FBXO15: variants seen among roughly 807,000 people sequenced by gnomAD.
FBXO15 encodes F-box protein 15.
Under a neutral mutation model 49.5 loss-of-function variants are expected in FBXO15, and 30 were observed. That is an observed-to-expected ratio of 0.61 (90% CI 0.45 to 0.82). The LOEUF (loss-of-function observed/expected upper bound fraction) is 0.82, where lower values mean the gene tolerates loss of function less well. Among genes scored for constraint, FBXO15 ranks in the 40% least tolerant of loss-of-function variants. FBXO15 has a pLI of 0.00. For synonymous variants in FBXO15, 250 were observed against 232.7 expected (o/e 1.07, Z -0.68); for missense variants, 591 against 631.5 (o/e 0.94, Z 0.69).
At chr18:74,140,404 C>A in intron 1 of FBXO15, 92 bp from the exon 2 acceptor site, 1 of 1,124,692 alleles carries the variant, frequency 8.9e-7, no homozygotes. Flanking sequence ...GATTCATAAA[C>A]TCCAAAGATT....
chr18:74,146,438 A>G (rs1416006093), intron 1 of FBXO15, among the ~76,000 whole-genome samples: 1 of 152,238 alleles, frequency 6.6e-6, no homozygotes, highest in Non-Finnish European at 1.5e-5. Flanking sequence ...CAATCCAGGA[A>G]GTTCACTCAA....
rs960629181 is a variant in FBXO15 at position 74,074,891 on chromosome 18, C to G, written c.1264-1161G>C. On this transcript the variant is annotated intron_variant, in intron 9 of 9. Coordinates refer to ENST00000419743, the MANE Select transcript of FBXO15 (RefSeq NM_001142958.2). The surrounding 1 kb of genome is among the most constrained non-coding windows in gnomAD (Gnocchi z 4.7). ...CCAGCCCTTCCTTCTCCCGCCTCTT[C>G]CTTTCCACTTTAGATTTCACTGGCC... is the stretch of plus-strand genomic sequence containing the variant. Among the ~76,000 whole-genome samples, 7 of 152,194 alleles carry G rather than the reference C, an allele frequency of 4.6e-5. No individual in the cohort carries two copies. Among genetic ancestry groups the G allele is most frequent in the African/African-American group, 1.7e-4 (7 of 41,446 alleles).
At chr18:74,124,612 T>C (rs1914622531) in intron 6 of FBXO15, 41 bp from the exon 7 acceptor site, 1 of 1,546,578 alleles carries the variant, frequency 6.5e-7, no homozygotes, top group African/African-American at 1.4e-5. Flanking sequence ...TCAACCAAAA[T>C]GCTTACATTT....
chr18:74,073,767 C>G, intron 9 of FBXO15, 37 bp from the exon 10 acceptor site: 1 of 1,564,808 alleles, frequency 6.4e-7, no homozygotes, highest in Non-Finnish European at 8.6e-7. Context: ...GATAAAAAGG[C>G]CAATCAGACC....
chr18:74,125,104 TG>T (rs1914650450), intron 6 of FBXO15, among the ~76,000 whole-genome samples: 1 of 152,186 alleles, frequency 6.6e-6, no homozygotes, highest in African/African-American at 2.4e-5. Context: ...GATTCACAGC[TG>T]ACACTGATGG....
At chr18:74,082,237 A>T (rs1466873966) in intron 8 of FBXO15, 186 bp from the exon 9 acceptor site, 3 of 448,670 alleles carry the variant, frequency 6.7e-6, no homozygotes, top group Non-Finnish European at 3.8e-6. Flanking sequence ...TGTGTCCCAG[A>T]GGCAGAAACA....
intron 4 of FBXO15, among the ~76,000 whole-genome samples, 197 bp from the exon 5 acceptor site, chr18:74,129,811 A>G (rs1232470720): frequency 6.6e-6 from 1 of 152,216 alleles, no homozygotes; most frequent in Non-Finnish European, 1.5e-5. Context: ...ACACCCACTG[A>G]ACATCCATGA....
At chr18:74,123,133 C>A (rs1357125190) in intron 8 of FBXO15, 5 of 423,030 alleles carry the variant, frequency 1.2e-5, no homozygotes, top group Non-Finnish European at 2.1e-5. Flanking sequence ...TAGGGGCTAC[C>A]CCCAGAAGGT....
chr18:74,129,127 C>T (rs1359888070), intron 5 of FBXO15, among the ~76,000 whole-genome samples: 1 of 151,970 alleles, frequency 6.6e-6, no homozygotes, highest in East Asian at 1.9e-4. Flanking sequence ...AATGAAAAAC[C>T]TCAAAGGTTA....
intron 2 of FBXO15, among the ~76,000 whole-genome samples, chr18:74,139,750 T>G (rs901578169): frequency 6.6e-6 from 1 of 152,184 alleles, no homozygotes; most frequent in Non-Finnish European, 1.5e-5. Flanking sequence ...GAGCATCAAT[T>G]AAACATAATA....
In FBXO15 at chr18:74,073,648, G is replaced by A. The variant is rs146975565; in HGVS notation, c.1346C>T (p.Ser449Leu). 1.4e-5 allele frequency: 23 copies of A among 1,614,056 alleles called. No homozygotes were observed. Among genetic ancestry groups the A allele is most frequent in the African/African-American group, 8.0e-5 (6 of 74,924 alleles). ...AGAGCTGTCAGAGGGTGTGGCAGGCGATCTCAGGCACACCGGGGAACTGAA... is the reference window on the plus strand; with the variant it reads ...AGAGCTGTCAGAGGGTGTGGCAGGCAATCTCAGGCACACCGGGGAACTGAA... ...WCFSSPVCLR[S>L]PATPSDSSSF... Residue 449 changes from serine to leucine, a missense_variant, in exon 10 of 10, where the codon TCG (serine) becomes TTG (leucine). Coordinates refer to ENST00000419743, the MANE Select transcript of FBXO15 (RefSeq NM_001142958.2).
chr18:74,147,656 G>A lies in FBXO15; in HGVS notation c.116+14C>T, dbSNP rs772284160. 1.0e-4 allele frequency: 143 copies of A among 1,415,610 alleles called. 5 individuals carry two copies. The South Asian group carries it at 2.1e-3, about 21-fold the overall frequency. The allele number at this position is 1,415,610 out of a possible 1,614,324, so 87.7% of individuals were successfully genotyped here. A position where few individuals can be genotyped will look rare whatever the true frequency, so the allele number is the denominator to read the frequency against. ...TTCCCGCCAGGGGACCCCACCCGCA[G>A]GCCCTACAGTCACCTGCACCCAAAG... On this transcript the variant is annotated intron_variant, in intron 1 of 9. Coordinates refer to ENST00000419743, the MANE Select transcript of FBXO15 (RefSeq NM_001142958.2).
At chr18:74,128,835 G>A (rs1978304563) in intron 5 of FBXO15, among the ~76,000 whole-genome samples, 1 of 152,188 alleles carries the variant, frequency 6.6e-6, no homozygotes, top group Non-Finnish European at 1.5e-5. Context: ...ACACTTAGCT[G>A]ATCTACGCAT....
At chr18:74,108,700 G>T (rs1020871202) in intron 8 of FBXO15, among the ~76,000 whole-genome samples, 2 of 152,118 alleles carry the variant, frequency 1.3e-5, no homozygotes, top group Non-Finnish European at 2.9e-5. Flanking sequence ...CATAGATACA[G>T]GAAGCTCAGA....
intron 8 of FBXO15, among the ~76,000 whole-genome samples, chr18:74,111,369 T>A (rs1008430885): frequency 3.3e-5 from 5 of 151,464 alleles, no homozygotes; most frequent in Non-Finnish European, 7.4e-5. Context: ...TAGATATCAA[T>A]AACAGAAAGT....
intron 9 of FBXO15, among the ~76,000 whole-genome samples, chr18:74,079,012 A>G (rs1234420816): frequency 6.6e-6 from 1 of 152,230 alleles, no homozygotes; most frequent in Non-Finnish European, 1.5e-5. Flanking sequence ...CGATGTACCC[A>G]CAGCAGGCTC....
chr18:74,097,186 C>T (rs1913316348), intron 8 of FBXO15: 1 of 152,512 alleles, frequency 6.6e-6, no homozygotes, highest in South Asian at 2.1e-4. Flanking sequence ...AAAAGGAAAC[C>T]TCCAGCTAAA....
intron 8 of FBXO15, among the ~76,000 whole-genome samples, chr18:74,115,998 C>G (rs1183850210): frequency 6.6e-6 from 1 of 152,166 alleles, no homozygotes; most frequent in Admixed American, 6.5e-5. Context: ...AACTTAAGAC[C>G]TGGATGGTGA....
At position 74,147,703 on chromosome 18, in the gene FBXO15, GCGC is replaced by G; in HGVS notation, c.80_82del (p.Gly27del). ...AAAGGCCCTGGCGCGCCCCCGGGCCGCGCCACCGCCCCTGCTGGGCCCGCGCAG... is the reference window on the plus strand; with the variant it reads ...AAAGGCCCTGGCGCGCCCCCGGGCCGCACCGCCCCTGCTGGGCCCGCGCAG... On this transcript the variant is annotated inframe_deletion, in exon 1 of 10. Transcript: ENST00000419743. The G allele has an allele frequency of 6.6e-7, 1 of 1,520,582 alleles. No individual in the cohort carries two copies. The highest frequency in any genetic ancestry group is 8.8e-7 in the Non-Finnish European group (1 of 1,137,386). 94.2% of individuals were successfully genotyped at this position (1,520,582 alleles called of 1,614,324 possible).
Sources: gnomAD v4.1 joint callset for allele counts (sites outside exome capture counted in the v4.1 genomes callset) on GRCh38, gnomAD v4.1.1 for gene constraint, Gnocchi (gnomAD v3.1) non-coding constraint, MANE v1.5 for transcripts, NCBI Gene and HGNC (gene_info 2026-07-23, HGNC 2026-07-21) for gene names.